Variants in MMP16 observed in about 807,000 individuals in gnomAD.
The protein encoded by MMP16 is matrix metallopeptidase 16, also known as matrix metalloproteinase-16.
MMP16 carries 12 observed loss-of-function variants against 67.8 expected under a neutral mutation model. The ratio of observed to expected loss-of-function variants is 0.18; its 90% CI spans 0.11 to 0.29. The LOEUF (loss-of-function observed/expected upper bound fraction) is 0.29, where lower values mean the gene tolerates loss of function less well. Among genes scored for constraint, MMP16 ranks in the 10% least tolerant of loss-of-function variants. The pLI is 1.00. For synonymous variants in MMP16, 249 were observed against 255.9 expected, an observed-to-expected ratio of 0.97 and a Z score of 0.26; for missense variants, 475 against 765.7, an observed-to-expected ratio of 0.62 and a Z score of 4.48.
At chr8:88,114,539 G>A (rs1809396524) in intron 6 of MMP16, among the ~76,000 whole-genome samples, 1 of 151,846 alleles carries the variant, frequency 6.6e-6, no homozygotes, top group Admixed American at 6.6e-5. Flanking sequence ...TTGATGCCTA[G>A]GAAAGTACAC....
At chr8:88,116,475 C>A (rs778001947) in intron 6 of MMP16, 32 bp downstream of exon 6, 36 of 1,545,768 alleles carry the variant, frequency 2.3e-5, no homozygotes, top group Non-Finnish European at 2.9e-5. Flanking sequence ...ACTTGATCTA[C>A]TGTTAAAAAA....
intron 1 of MMP16, among the ~76,000 whole-genome samples, chr8:88,247,454 G>A (rs189106385): frequency 6.6e-6 from 1 of 152,182 alleles, no homozygotes; most frequent in East Asian, 1.9e-4. Context: ...GAAACACGTG[G>A]CACGTTCAAG....
chr8:88,215,484 T>C (rs921791590), intron 1 of MMP16, among the ~76,000 whole-genome samples: 4 of 152,146 alleles, frequency 2.6e-5, no homozygotes, highest in Non-Finnish European at 5.9e-5. Flanking sequence ...TGACTTTCAG[T>C]TGGATTGAGA....
intron 4 of MMP16, among the ~76,000 whole-genome samples, chr8:88,123,175 A>T (rs1807869220): frequency 6.6e-6 from 1 of 151,932 alleles, no homozygotes; most frequent in South Asian, 2.1e-4. Context: ...TCTCCTCTCC[A>T]TTTGGTTAGG....
chr8:88,259,240 C>T (rs561536280), intron 1 of MMP16, among the ~76,000 whole-genome samples: 1 of 152,290 alleles, frequency 6.6e-6, no homozygotes, highest in African/African-American at 2.4e-5. Context: ...TACTTTCTAT[C>T]ATGCCAAAGT....
At chr8:88,247,610 G>C (rs1810134594) in intron 1 of MMP16, among the ~76,000 whole-genome samples, 1 of 151,866 alleles carries the variant, frequency 6.6e-6, no homozygotes, top group Non-Finnish European at 1.5e-5. Context: ...TGCCAATCCA[G>C]GAAAATATGC....
chr8:88,160,185 T>C (rs987440293), intron 4 of MMP16, among the ~76,000 whole-genome samples: 1 of 152,000 alleles, frequency 6.6e-6, no homozygotes, highest in Middle Eastern at 3.2e-3. Flanking sequence ...TGTGTTCTCA[T>C]TGCTCAAGTC....
chr8:88,058,129 T>G lies in MMP16; in HGVS notation c.1223-1851A>C, dbSNP rs1460844582. On this transcript the variant is annotated intron_variant, in intron 7 of 9. Transcript: ENST00000286614. The surrounding 1 kb of genome is among the most constrained non-coding windows in gnomAD (Gnocchi z 4.2). ...ATTCAGAGCAGAGGACAGTCTGGGA[T>G]GATCAACAAATTGAAAGAAGATCAG... 3.3e-5 allele frequency among the ~76,000 whole-genome samples: 5 copies of G among 152,150 alleles called. No individual in the cohort carries two copies. The highest frequency in any genetic ancestry group is 1.2e-4 in the African/African-American group (5 of 41,456).
At chr8:88,314,472 C>T (rs924721131) in intron 1 of MMP16, among the ~76,000 whole-genome samples, 1 of 152,044 alleles carries the variant, frequency 6.6e-6, no homozygotes, top group African/African-American at 2.4e-5. Flanking sequence ...TTTCTGTATT[C>T]CAACAAATAT....
chr8:88,138,402 G>A (rs889737119), intron 4 of MMP16, among the ~76,000 whole-genome samples: 1 of 151,970 alleles, frequency 6.6e-6, no homozygotes. Flanking sequence ...TCACAACCAT[G>A]AGCCAACTGA....
chr8:88,221,292 T>G (rs1270064743), intron 1 of MMP16, among the ~76,000 whole-genome samples: 1 of 152,108 alleles, frequency 6.6e-6, no homozygotes, highest in Non-Finnish European at 1.5e-5. Context: ...GAAAACTCCT[T>G]ATAAATGGTG....
intron 6 of MMP16, among the ~76,000 whole-genome samples, chr8:88,079,894 C>T (rs1002563312): frequency 4.6e-5 from 7 of 152,162 alleles, no homozygotes; most frequent in Admixed American, 4.6e-4. Context: ...GGTGCCTTGA[C>T]CTTAGACTTC....
At chr8:88,196,814 G>T (rs1425392120) in intron 2 of MMP16, among the ~76,000 whole-genome samples, 1 of 152,024 alleles carries the variant, frequency 6.6e-6, no homozygotes, top group East Asian at 1.9e-4. Flanking sequence ...GATTTGGGAA[G>T]CCATGTGTAC....
rs11325157 is a variant in MMP16, at chr8:88,165,178, T to TA, written c.709+2490dup. 1.3e-3 allele frequency among the ~76,000 whole-genome samples: 125 copies of TA among 95,204 alleles called. 1 individual carries two copies. The highest frequency in any genetic ancestry group is 6.4e-3 in the Middle Eastern group (1 of 156). 62.5% of individuals were successfully genotyped at this position (95,204 alleles called of 152,430 possible). A position where few individuals can be genotyped will look rare whatever the true frequency, so the allele number is the denominator to read the frequency against. ...GGCAAAATAGCGAGAACCCCATCTC[T>TA]AAAAAAAAAAAAAAAAAAAAAGAAA... On this transcript the variant is annotated intron_variant, in intron 4 of 9. Transcript: ENST00000286614.
chr8:88,305,707 A>G (rs1811201150), intron 1 of MMP16, among the ~76,000 whole-genome samples: 1 of 152,210 alleles, frequency 6.6e-6, no homozygotes, highest in Non-Finnish European at 1.5e-5. Context: ...TAACGAAATT[A>G]AGGGAGAAAT....
intron 4 of MMP16, among the ~76,000 whole-genome samples, chr8:88,134,688 T>C (rs1354753402): frequency 6.6e-6 from 1 of 151,662 alleles, no homozygotes; most frequent in Non-Finnish European, 1.5e-5. Flanking sequence ...GAGACAATGT[T>C]GCTGTTTCCC....
At chr8:88,186,367 T>A (rs1586195368) in intron 3 of MMP16, 109 bp downstream of exon 3, 1 of 1,370,712 alleles carries the variant, frequency 7.3e-7, no homozygotes, top group Admixed American at 1.9e-5. Context: ...TAACATTATA[T>A]CCCTATATAT....
intron 3 of MMP16, among the ~76,000 whole-genome samples, chr8:88,173,152 G>C (rs1484067297): frequency 6.6e-6 from 1 of 152,024 alleles, no homozygotes; most frequent in Non-Finnish European, 1.5e-5. Context: ...CTGGGCTTAA[G>C]GTAATCTTCC....
At chr8:88,060,389 G>A (rs946632334) in intron 7 of MMP16, among the ~76,000 whole-genome samples, 4 of 151,980 alleles carry the variant, frequency 2.6e-5, no homozygotes, top group Admixed American at 1.3e-4. Context: ...ACAAAGTCAA[G>A]AAAGGGATTT....
Sources: allele counts gnomAD v4.1 joint callset (sites outside exome capture counted in the v4.1 genomes callset), GRCh38; gene constraint gnomAD v4.1.1; non-coding constraint Gnocchi (gnomAD v3.1); transcripts MANE v1.5; gene names NCBI Gene and HGNC (gene_info 2026-07-23, HGNC 2026-07-21).